The following MAF variants were observed in gnomAD, a reference collection of about 807,000 sequenced individuals.
The protein encoded by MAF is MAF bZIP transcription factor, also known as transcription factor Maf.
A neutral mutation model predicts 22.0 loss-of-function variants in MAF; 10 were observed. The observed-to-expected ratio is 0.45, with a 90% CI of 0.28 to 0.77. The LOEUF (loss-of-function observed/expected upper bound fraction) is 0.77, where lower values mean the gene tolerates loss of function less well. MAF is among the 30% of genes least tolerant of loss of function. The pLI, the probability that MAF is intolerant of heterozygous loss-of-function variation, is 0.12. For missense variants in MAF, 544 were observed against 548.4 expected, an observed-to-expected ratio of 0.99 and a Z score of 0.08; for synonymous variants, 337 against 255.8, an observed-to-expected ratio of 1.32 and a Z score of -3.03.
At chr16:79,515,924 A>C in the MAF span, 1 of 149,552 alleles carries the variant, frequency 6.7e-6, no homozygotes, top group South Asian at 2.1e-4. Flanking sequence ...GCTAACCCAC[A>C]CTGCACATGT....
the MAF span, among the ~76,000 whole-genome samples, chr16:79,353,253 C>G: frequency 1.3e-5 from 2 of 152,060 alleles, no homozygotes; most frequent in African/African-American, 4.8e-5. Context: ...TCCTGCCTCC[C>G]AAGTAGCTGG....
the MAF span, among the ~76,000 whole-genome samples, chr16:79,569,793 A>G: frequency 6.6e-6 from 1 of 152,218 alleles, no homozygotes; most frequent in African/African-American, 2.4e-5. Context: ...GATGATTTTC[A>G]CAAGTGACCA....
chr16:79,211,810 C>A, the MAF span: 5 of 1,613,778 alleles, frequency 3.1e-6, no homozygotes, highest in East Asian at 2.2e-5. Flanking sequence ...GAGCTCAGAG[C>A]GGATGGGCAC....
At chr16:79,593,021 G>C (rs759102491), downstream of MAF, among the ~76,000 whole-genome samples, 2 of 152,120 alleles carry the variant, frequency 1.3e-5, no homozygotes, top group Non-Finnish European at 2.9e-5. Flanking sequence ...TGTCACTCAT[G>C]TACTCCTGTA....
chr16:79,460,396 C>T, the MAF span, among the ~76,000 whole-genome samples: 132,165 of 152,224 alleles, frequency 0.87, 57,436 homozygotes, highest in East Asian at 0.97. Flanking sequence ...CTCTCTTTTC[C>T]AACCTAATTT....
At chr16:79,429,567 C>A in the MAF span, among the ~76,000 whole-genome samples, 8 of 152,080 alleles carry the variant, frequency 5.3e-5, no homozygotes, top group Non-Finnish European at 7.4e-5. Context: ...TTACAGTTGA[C>A]GTGGATTCGC....
intron 1 of MAF, 128 bp from the exon 2 acceptor site, chr16:79,594,681 C>A: frequency 2.0e-6 from 3 of 1,490,388 alleles, no homozygotes; most frequent in African/African-American, 1.4e-5. Context: ...TAATGAATGG[C>A]ACTTACTCAG....
At chr16:79,552,191 C>A in the MAF span, among the ~76,000 whole-genome samples, 1 of 151,270 alleles carries the variant, frequency 6.6e-6, no homozygotes, top group African/African-American at 2.4e-5. Flanking sequence ...CCTTGTTCTT[C>A]TGAACCTTGG....
At chr16:79,585,343 C>T (rs888919984), downstream of MAF, among the ~76,000 whole-genome samples, 17 of 152,256 alleles carry the variant, frequency 1.1e-4, no homozygotes, top group Admixed American at 6.5e-4. Context: ...CACATTTGGA[C>T]GCAGAAGTGG....
the MAF span, among the ~76,000 whole-genome samples, chr16:79,309,671 G>T: frequency 6.6e-6 from 1 of 152,178 alleles, no homozygotes; most frequent in East Asian, 1.9e-4. Flanking sequence ...CAGAGGGAAC[G>T]GATGTCGAGT....
At chr16:79,520,318 A>C in the MAF span, among the ~76,000 whole-genome samples, 1 of 152,076 alleles carries the variant, frequency 6.6e-6, no homozygotes, top group African/African-American at 2.4e-5. Flanking sequence ...GAGACCCTTC[A>C]GTGTCTGGCC....
the MAF span, among the ~76,000 whole-genome samples, chr16:79,510,550 A>AT: frequency 6.6e-6 from 1 of 152,250 alleles, no homozygotes; most frequent in African/African-American, 2.4e-5. Context: ...GTTTCCTTCC[A>AT]TTGCACACAC....
the MAF span, among the ~76,000 whole-genome samples, chr16:79,472,356 A>C: frequency 6.6e-6 from 1 of 152,246 alleles, no homozygotes; most frequent in Admixed American, 6.5e-5. Context: ...ATAATCAAAA[A>C]GTAGAAATAT....
At chr16:79,501,371 A>G in the MAF span, among the ~76,000 whole-genome samples, 1 of 152,112 alleles carries the variant, frequency 6.6e-6, no homozygotes, top group East Asian at 1.9e-4. Flanking sequence ...TACATCTGCA[A>G]CAACTTTATT....
At chr16:79,495,909 A>G in the MAF span, among the ~76,000 whole-genome samples, 2 of 152,224 alleles carry the variant, frequency 1.3e-5, no homozygotes, top group African/African-American at 4.8e-5. Context: ...TGGAGTTTCT[A>G]TTATAGTGTG....
chr16:79,323,335 G>A, the MAF span, among the ~76,000 whole-genome samples: 76,008 of 151,346 alleles, frequency 0.5, 21,186 homozygotes, highest in Non-Finnish European at 0.64. Context: ...AAAGAGGACC[G>A]TGGTTATGTC....
the MAF span, among the ~76,000 whole-genome samples, chr16:79,393,492 C>T: frequency 4.6e-5 from 7 of 152,316 alleles, no homozygotes; most frequent in Admixed American, 4.6e-4. Flanking sequence ...TGCAGAAGAC[C>T]ACGGAGCTTT....
At chr16:79,437,920 G>A in the MAF span, among the ~76,000 whole-genome samples, 3 of 152,134 alleles carry the variant, frequency 2.0e-5, no homozygotes, top group Admixed American at 1.3e-4. Context: ...GGAGGTTTCC[G>A]CCTCTGCAGG....
At chr16:79,265,058 AT>A in the MAF span, among the ~76,000 whole-genome samples, 1 of 152,144 alleles carries the variant, frequency 6.6e-6, no homozygotes, top group Admixed American at 6.5e-5. Context: ...AAGTCAAGTA[AT>A]TTTTTTTAAC....
Sources: gnomAD v4.1 joint callset for allele counts (sites outside exome capture counted in the v4.1 genomes callset) on GRCh38, gnomAD v4.1.1 for gene constraint, MANE v1.5 for transcripts, NCBI Gene and HGNC (gene_info 2026-07-23, HGNC 2026-07-21) for gene names.